The following DGKB variants were observed in gnomAD, a reference collection of about 807,000 sequenced individuals.
DGKB encodes diacylglycerol kinase beta.
In DGKB, 67 loss-of-function variants were observed where a neutral mutation model predicts 114.3. The ratio of observed to expected loss-of-function variants is 0.59; its 90% CI spans 0.48 to 0.72. DGKB has a LOEUF of 0.72. DGKB is among the 30% of genes least tolerant of loss of function. The pLI, the probability that DGKB is intolerant of heterozygous loss-of-function variation, is 0.00. For missense variants in DGKB, 907 were observed against 975.2 expected, an observed-to-expected ratio of 0.93 and a Z score of 0.93; for synonymous variants, 398 against 323.1, an observed-to-expected ratio of 1.23 and a Z score of -2.49.
intron 1 of DGKB, among the ~76,000 whole-genome samples, chr7:14,852,689 T>A (rs1391696397): frequency 6.6e-6 from 1 of 152,252 alleles, no homozygotes; most frequent in East Asian, 1.9e-4. Flanking sequence ...AACTCTTTCC[T>A]TCCCCGCCAG....
chr7:14,700,108 G>A (rs1346423201), intron 7 of DGKB, among the ~76,000 whole-genome samples: 5 of 152,026 alleles, frequency 3.3e-5, no homozygotes, highest in South Asian at 4.1e-4. Flanking sequence ...ATTTCTAGTC[G>A]TGAAATGGCA....
chr7:14,355,639 G>A (rs576682257), intron 21 of DGKB, among the ~76,000 whole-genome samples: 16 of 152,312 alleles, frequency 1.1e-4, no homozygotes, highest in Middle Eastern at 3.4e-3. Flanking sequence ...ACTTGATCAT[G>A]GTGGATAAGC....
intron 2 of DGKB, among the ~76,000 whole-genome samples, chr7:14,827,095 GA>G (rs1250004312): frequency 2.0e-5 from 3 of 152,082 alleles, no homozygotes; most frequent in African/African-American, 7.2e-5. Flanking sequence ...CAAGAAGAAA[GA>G]AGGAAGGGAA....
intron 13 of DGKB, among the ~76,000 whole-genome samples, chr7:14,632,396 A>G (rs995083730): frequency 6.6e-6 from 1 of 151,548 alleles, no homozygotes; most frequent in African/African-American, 2.4e-5. Flanking sequence ...CTTTATATAT[A>G]TATATACACA....
intron 2 of DGKB, among the ~76,000 whole-genome samples, chr7:14,818,441 T>G (rs955476211): frequency 1.3e-5 from 2 of 152,084 alleles, no homozygotes; most frequent in Non-Finnish European, 2.9e-5. Flanking sequence ...AGCCAGGCTG[T>G]GTGGCCCACT....
At chr7:14,410,145 C>T (rs532441702) in intron 21 of DGKB, among the ~76,000 whole-genome samples, 3 of 151,950 alleles carry the variant, frequency 2.0e-5, no homozygotes, top group East Asian at 3.9e-4. Flanking sequence ...TGTATTCACA[C>T]TCAAATGTCT....
chr7:14,583,183 A>C, intron 17 of DGKB, 46 bp from the exon 18 acceptor site: 1 of 1,228,170 alleles, frequency 8.1e-7, no homozygotes, highest in Non-Finnish European at 1.2e-6. Context: ...GTTTAAAAAT[A>C]AGATGTTTTC....
At chr7:14,828,698 C>T (rs1846025960) in intron 2 of DGKB, among the ~76,000 whole-genome samples, 1 of 152,092 alleles carries the variant, frequency 6.6e-6, no homozygotes, top group Non-Finnish European at 1.5e-5. Context: ...TCTTGCAATA[C>T]TCTGAGAAAA....
At chr7:14,572,142 A>G (rs150133835) in intron 20 of DGKB, among the ~76,000 whole-genome samples, 1 of 152,198 alleles carries the variant, frequency 6.6e-6, no homozygotes, top group East Asian at 1.9e-4. Context: ...AAAAGAATGA[A>G]AAGAAACACC....
chr7:14,241,517 T>G lies in DGKB; in HGVS notation c.2123-63366A>C, dbSNP rs17168004. 2.5e-3 allele frequency among the ~76,000 whole-genome samples: 381 copies of G among 152,270 alleles called. 2 individuals carry two copies. Among genetic ancestry groups the G allele is most frequent in the African/African-American group, 8.2e-3 (342 of 41,572 alleles). On this transcript the variant is annotated intron_variant, in intron 23 of 25. Coordinates refer to ENST00000402815, the MANE Select transcript of DGKB (RefSeq NM_001350709.2). ...GCATACATACGTCAGGAAATTGTCCTTAAGAAATCAGCTGACTTTAAGTAG... is the reference window on the plus strand; with the variant it reads ...GCATACATACGTCAGGAAATTGTCCGTAAGAAATCAGCTGACTTTAAGTAG...
intron 23 of DGKB, among the ~76,000 whole-genome samples, chr7:14,257,756 G>A (rs546655664): frequency 2.0e-5 from 3 of 152,178 alleles, no homozygotes; most frequent in African/African-American, 7.2e-5. Flanking sequence ...GATGGAGTTT[G>A]GCTCTTGTTG....
intron 1 of DGKB, among the ~76,000 whole-genome samples, chr7:14,927,962 AG>A (rs1784827824): frequency 6.6e-6 from 1 of 151,938 alleles, no homozygotes; most frequent in African/African-American, 2.4e-5. Context: ...ATTCTGAGCA[AG>A]TCTATAAAAA....
intron 23 of DGKB, among the ~76,000 whole-genome samples, chr7:14,285,629 T>A (rs1800755839): frequency 6.6e-6 from 1 of 152,208 alleles, no homozygotes; most frequent in Non-Finnish European, 1.5e-5. Context: ...CACCTGATAA[T>A]TCACATTGTA....
At chr7:14,768,983 A>T (rs1456384464) in intron 2 of DGKB, among the ~76,000 whole-genome samples, 2 of 151,742 alleles carry the variant, frequency 1.3e-5, no homozygotes, top group Non-Finnish European at 2.9e-5. Context: ...TTTAAACGAG[A>T]TGATTTATGA....
chr7:14,937,349 T>A (rs868313681), intron 1 of DGKB, among the ~76,000 whole-genome samples: 1 of 152,098 alleles, frequency 6.6e-6, no homozygotes, highest in African/African-American at 2.4e-5. Flanking sequence ...TGTATATCTA[T>A]ATTTACAAGA....
chr7:14,454,263 G>A (rs1831953521), intron 21 of DGKB, among the ~76,000 whole-genome samples: 1 of 151,822 alleles, frequency 6.6e-6, no homozygotes, highest in African/African-American at 2.4e-5. Flanking sequence ...GTATATTTTT[G>A]TACCCATTGA....
intron 17 of DGKB, among the ~76,000 whole-genome samples, chr7:14,588,188 G>A (rs1399833916): frequency 6.6e-6 from 1 of 151,488 alleles, no homozygotes; most frequent in Non-Finnish European, 1.5e-5. Context: ...TTATCCTTTT[G>A]GTTTCCATTA....
intron 13 of DGKB, among the ~76,000 whole-genome samples, chr7:14,640,633 A>T (rs1164955521): frequency 1.3e-5 from 2 of 152,218 alleles, no homozygotes; most frequent in African/African-American, 4.8e-5. Flanking sequence ...GGGTTGAACT[A>T]GGGAACAAAG....
chr7:14,757,642 A>T lies in DGKB; in HGVS notation c.147+13T>A. On this transcript the variant is annotated intron_variant, in intron 3 of 25. Transcript: ENST00000402815. ...ATATATACGAAACTGATATAAAGAA[A>T]AAGAAGTTTTACCCCTTCAGGATTA... 6.6e-7 allele frequency: 1 copy of T among 1,506,560 alleles called. No homozygotes were observed. 93.3% of individuals were successfully genotyped at this position (1,506,560 alleles called of 1,614,324 possible). A position where few individuals can be genotyped will look rare whatever the true frequency, so the allele number is the denominator to read the frequency against.
Sources: allele counts gnomAD v4.1 joint callset (sites outside exome capture counted in the v4.1 genomes callset), GRCh38; gene constraint gnomAD v4.1.1; transcripts MANE v1.5; gene names NCBI Gene and HGNC (gene_info 2026-07-23, HGNC 2026-07-21).